The following PRKDC variants were observed in gnomAD, a reference collection of about 807,000 sequenced individuals.
PRKDC encodes the protein protein kinase, DNA-activated, catalytic subunit, also known as DNA-dependent protein kinase catalytic subunit.
In PRKDC, 82 loss-of-function variants were observed where a neutral mutation model predicts 486.9. The ratio of observed to expected loss-of-function variants is 0.17; its 90% confidence interval spans 0.14 to 0.20. The LOEUF (loss-of-function observed/expected upper bound fraction) is 0.20. PRKDC is among the 10% of genes least tolerant of loss of function. The pLI is 1.00. For synonymous variants in PRKDC, 1,895 were observed against 1,837.0 expected (o/e 1.03, Z -0.81); for missense variants, 4,504 against 5,038.2 (o/e 0.89, Z 3.21).
intron 73 of PRKDC, among the ~76,000 whole-genome samples, chr8:47,796,817 C>T (rs1011267987): frequency 2.0e-5 from 3 of 152,146 alleles, no homozygotes; most frequent in African/African-American, 7.2e-5. Context: ...TGGTCTCGAA[C>T]TGCTGACCTC....
In PRKDC at chr8:47,862,520, T is replaced by C. The variant is rs755883408; in HGVS notation, c.5772A>G (p.Thr1924=). The stretch of plus-strand genomic sequence containing the variant: ...GCTGATTCTCTCCTGCCATGTTCTC[T>C]GTAAATGCATCGTAGCACAATCTGC... ...TLIKLCYDAF[T]ENMAGENQLL... The change falls in exon 43 of 86, where the codon ACA becomes ACG. Residue 1924 remains threonine, a synonymous_variant. Coordinates refer to ENST00000314191, the MANE Select transcript of PRKDC (RefSeq NM_006904.7). 6.2e-7 allele frequency: 1 copy of C among 1,611,138 alleles called. No homozygotes were observed. Among genetic ancestry groups the C allele is most frequent in the South Asian group, 1.1e-5 (1 of 90,692 alleles).
At chr8:47,798,622 T>A (rs1285954815) in intron 72 of PRKDC, among the ~76,000 whole-genome samples, 3 of 152,168 alleles carry the variant, frequency 2.0e-5, no homozygotes, top group Admixed American at 6.6e-5. Context: ...ACAGTTTGAA[T>A]CCTGGGCTGG....
At chr8:47,844,991 G>C (rs182263434) in intron 54 of PRKDC, among the ~76,000 whole-genome samples, 27 of 152,282 alleles carry the variant, frequency 1.8e-4, no homozygotes, top group Admixed American at 1.8e-3. Flanking sequence ...GAGGCAGGAG[G>C]ATCATTTGAG....
At chr8:47,932,851 T>C (rs1292912398) in intron 16 of PRKDC, among the ~76,000 whole-genome samples, 169 bp downstream of exon 16, 1 of 152,212 alleles carries the variant, frequency 6.6e-6, no homozygotes, top group Non-Finnish European at 1.5e-5. Context: ...ACATTTTCTA[T>C]ACAATAGGTT....
intron 63 of PRKDC, 26 bp downstream of exon 63, chr8:47,826,630 C>T (rs1313020278): frequency 6.3e-7 from 1 of 1,589,184 alleles, no homozygotes; most frequent in Non-Finnish European, 8.6e-7. Flanking sequence ...CAGTGTGCTC[C>T]CAAGAGCACC....
rs754211795 is a variant in PRKDC at position 47,890,310 on chromosome 8, G to A, written c.4018C>T (p.Arg1340Trp). 5 of 1,612,850 alleles carry A rather than the reference G, an allele frequency of 3.1e-6. No homozygotes were observed. Among genetic ancestry groups the A allele is most frequent in the Non-Finnish European group, 3.4e-6 (4 of 1,179,820 alleles). The stretch of plus-strand genomic sequence containing the variant: ...AGAGTCGTGGTAAACTCCATAATCC[G>A]GACCACAACGGTGCATTTGCTGTAG... ...YNYSKCTVVV[R>W]IMEFTTTLLN... Residue 1340 changes from arginine to tryptophan, a missense_variant, in exon 32 of 86, where the codon CGG becomes TGG. Around this residue, in one of 6 missense-constraint regions of PRKDC, gnomAD observed 1,969 missense variants for 2,068.9 expected, o/e 0.95. Coordinates refer to ENST00000314191, the MANE Select transcript of PRKDC (RefSeq NM_006904.7).
chr8:47,900,262 A>G, intron 28 of PRKDC, 111 bp downstream of exon 28: 2 of 609,478 alleles, frequency 3.3e-6, no homozygotes, highest in Admixed American at 4.1e-5. Flanking sequence ...ATTAATTTAT[A>G]GAACTCTTGG....
At chr8:47,862,847 C>T (rs974155554) in intron 42 of PRKDC, among the ~76,000 whole-genome samples, 7 of 152,128 alleles carry the variant, frequency 4.6e-5, no homozygotes, top group African/African-American at 1.7e-4. Flanking sequence ...TGAACGGTGA[C>T]ATCATTCACT....
chr8:47,936,627 T>A, intron 11 of PRKDC, 110 bp from the exon 12 acceptor site: 1 of 881,516 alleles, frequency 1.1e-6, no homozygotes, highest in Non-Finnish European at 1.6e-6. Flanking sequence ...ACAAGGCTTC[T>A]TTTTTTTTTG....
intron 24 of PRKDC, among the ~76,000 whole-genome samples, chr8:47,912,830 G>T (rs976296272): frequency 1.3e-5 from 2 of 152,134 alleles, no homozygotes; most frequent in African/African-American, 4.8e-5. Context: ...CCATATTAAA[G>T]AACTATATAA....
intron 85 of PRKDC, among the ~76,000 whole-genome samples, chr8:47,776,297 A>C (rs1389576744): frequency 6.6e-6 from 1 of 152,196 alleles, no homozygotes; most frequent in Non-Finnish European, 1.5e-5. Context: ...TAAGTTGACA[A>C]TAGATTGCCA....
chr8:47,788,504 A>C (rs886153333), intron 76 of PRKDC, among the ~76,000 whole-genome samples: 2 of 152,216 alleles, frequency 1.3e-5, no homozygotes, highest in African/African-American at 4.8e-5. Context: ...TGTCTTCTCC[A>C]TGTATCTCCT....
At chr8:47,925,767 A>C (rs144948452) in intron 21 of PRKDC, among the ~76,000 whole-genome samples, 2 of 152,356 alleles carry the variant, frequency 1.3e-5, no homozygotes, top group African/African-American at 4.8e-5. Context: ...TAAATATAAA[A>C]ACATGCACAA....
intron 10 of PRKDC, 27 bp from the exon 11 acceptor site, chr8:47,939,724 T>TG: frequency 2.0e-6 from 3 of 1,513,414 alleles, no homozygotes; most frequent in Non-Finnish European, 2.7e-6. Context: ...TTTATTTTTT[T>TG]GGAAATATTT....
chr8:47,930,125 G>T, intron 17 of PRKDC, 113 bp from the exon 18 acceptor site: 1 of 902,656 alleles, frequency 1.1e-6, no homozygotes, highest in Non-Finnish European at 1.7e-6. Context: ...ACATTTTGAG[G>T]TATCCTAAAA....
At chr8:47,779,912 CTTTT>C (rs925534980) in intron 80 of PRKDC, among the ~76,000 whole-genome samples, 2 of 107,066 alleles carry the variant, frequency 1.9e-5, no homozygotes, top group Non-Finnish European at 3.8e-5. Context: ...TTTGTTTTGT[CTTTT>C]TTTTTTTTTT....
At chr8:47,878,779 C>A (rs2089143390) in intron 39 of PRKDC, among the ~76,000 whole-genome samples, 1 of 152,210 alleles carries the variant, frequency 6.6e-6, no homozygotes, top group Non-Finnish European at 1.5e-5. Flanking sequence ...ATCTCTGAAA[C>A]TGTTGTGTGC....
At chr8:47,848,408 T>C (rs2088321614) in intron 54 of PRKDC, among the ~76,000 whole-genome samples, 1 of 152,182 alleles carries the variant, frequency 6.6e-6, no homozygotes, top group Non-Finnish European at 1.5e-5. Context: ...TGCATGTACT[T>C]ACTCATATGT....
At position 47,935,055 on chromosome 8, in the gene PRKDC, T is replaced by C. The variant is rs2090324874; in HGVS notation, c.1451A>G (p.His484Arg). ...AGAACATATTCTGATTAAACCCTGA[T>C]GCACTGAAAAAAGAAAAAGAAAACA... ...VLRNCISTVV[H>R]QGLIRICSKP... is the part of the protein sequence containing the mutation. The change falls in exon 14 of 86, where the codon CAT becomes CGT. Residue 484 changes from histidine to arginine, a missense_variant. This residue lies in a region of PRKDC where 1,969 missense variants were observed against 2,068.9 expected (regional missense o/e 0.95). Transcript: ENST00000314191. 1 of 1,504,072 alleles carries C rather than the reference T, an allele frequency of 6.6e-7. No homozygotes were observed. Among genetic ancestry groups the C allele is most frequent in the Non-Finnish European group, 8.9e-7 (1 of 1,119,640 alleles). The allele number at this position is 1,504,072 out of a possible 1,614,324, so 93.2% of individuals were successfully genotyped here.
Sources: gnomAD v4.1 joint callset for allele counts (sites outside exome capture counted in the v4.1 genomes callset) on GRCh38, gnomAD v4.1.1 for gene constraint, gnomAD v4.1.1 regional missense constraint, MANE v1.5 for transcripts, NCBI Gene and HGNC (gene_info 2026-07-23, HGNC 2026-07-21) for gene names.